ZNF726: variants seen among roughly 807,000 people sequenced by gnomAD.
The protein encoded by ZNF726 is zinc finger protein 726.
ZNF726 carries 15 observed loss-of-function variants against 11.6 expected under a neutral mutation model. That is an observed-to-expected ratio of 1.29 (90% CI 0.86 to 1.99). The LOEUF (loss-of-function observed/expected upper bound fraction) is 1.99, where lower values mean the gene tolerates loss of function less well. Among genes scored for constraint, ZNF726 ranks in the 30% most tolerant of loss-of-function variants. The pLI is 0.00. For synonymous variants in ZNF726, 295 were observed against 243.6 expected (o/e 1.21, Z -1.96); for missense variants, 890 against 725.6 (o/e 1.23, Z -2.60).
At chr19:23,929,577 C>T (rs1007841516) in intron 3 of ZNF726, among the ~76,000 whole-genome samples, 2 of 152,120 alleles carry the variant, frequency 1.3e-5, no homozygotes, top group South Asian at 2.1e-4. Flanking sequence ...CCACGTCCCT[C>T]CCACAACATG....
Position 23,932,754 on chromosome 19 carries a change from C to T in ZNF726, c.638C>T (p.Ser213Phe), listed in dbSNP as rs981851772. 6.2e-7 allele frequency: 1 copy of T among 1,612,952 alleles called. No individual in the cohort carries two copies. Residue 213 changes from serine to phenylalanine, a missense_variant, in exon 4 of 4, where the codon TCC becomes TTC. Ser to Phe is a radical substitution (Grantham distance 155, BLOSUM62 -2). Coordinates refer to ENST00000594466, the MANE Select transcript of ZNF726 (RefSeq NM_001244038.2). ...CKECGKTFNW[S>F]STLTNHKKTH... ...GAATGTGGAAAAACCTTTAATTGGT[C>T]CTCAACCCTTACTAATCATAAGAAA... is the stretch of plus-strand genomic sequence containing the variant.
chr19:23,930,484 T>C (rs1427675522), intron 3 of ZNF726, among the ~76,000 whole-genome samples: 5 of 152,182 alleles, frequency 3.3e-5, no homozygotes, highest in African/African-American at 1.2e-4. Context: ...TGCATGCCAA[T>C]ATTTTAACTT....
intron 3 of ZNF726, among the ~76,000 whole-genome samples, chr19:23,924,656 G>T (rs781178362): frequency 6.6e-6 from 1 of 152,164 alleles, no homozygotes; most frequent in Non-Finnish European, 1.5e-5. Flanking sequence ...GAGAGGCCGG[G>T]ACAGGAGGTT....
intron 4 of ZNF726, chr19:23,943,963 G>A (rs759381300): frequency 9.0e-5 from 14 of 156,314 alleles, no homozygotes; most frequent in Admixed American, 1.3e-4. Context: ...TGTCTGAAAT[G>A]TATGAGAGCA....
At chr19:23,935,906 C>T (rs547640287), downstream of ZNF726, 1 of 152,640 alleles carries the variant, frequency 6.6e-6, no homozygotes, top group South Asian at 2.1e-4. Context: ...GAAAATATGT[C>T]TTTAAAGTGC....
chr19:23,918,058 C>T (rs939644634), intron 1 of ZNF726, among the ~76,000 whole-genome samples: 1 of 151,974 alleles, frequency 6.6e-6, no homozygotes, highest in Non-Finnish European at 1.5e-5. Context: ...TGCAGGAATG[C>T]GGTTATACCT....
downstream of ZNF726, chr19:23,934,497 T>C (rs1465487212): frequency 5.3e-5 from 20 of 378,606 alleles, no homozygotes; most frequent in Admixed American, 7.4e-4. Context: ...GGGAAATCTT[T>C]CTTTTTTTTC....
At chr19:23,929,880 A>G (rs1309156491) in intron 3 of ZNF726, among the ~76,000 whole-genome samples, 1 of 152,134 alleles carries the variant, frequency 6.6e-6, no homozygotes, top group Non-Finnish European at 1.5e-5. Flanking sequence ...ATATTTGTAT[A>G]TTTACATTTA....
At chr19:23,923,591 T>C (rs966720555) in intron 3 of ZNF726, 14 of 186,570 alleles carry the variant, frequency 7.5e-5, no homozygotes, top group South Asian at 6.5e-4. Flanking sequence ...TTTGTATTTT[T>C]AGTAGAAACG....
downstream of ZNF726, among the ~76,000 whole-genome samples, chr19:23,938,518 C>T (rs1010972518): frequency 6.6e-6 from 1 of 151,996 alleles, no homozygotes; most frequent in African/African-American, 2.4e-5. Flanking sequence ...CAGAATCTCC[C>T]CATGCAAATT....
rs764180701 is a variant in ZNF726 at position 23,932,631 on chromosome 19, C to T, written c.515C>T (p.Pro172Leu). ...AAGATAAGACATACTAGAAAGAAAC[C>T]TTTCAAATGTAAAAATTGTGTCAAA... is the stretch of plus-strand genomic sequence containing the variant. ...RYKIRHTRKKPFKCKNCVKSF... is the reference protein window; with the variant it reads ...RYKIRHTRKKLFKCKNCVKSF... Residue 172 changes from proline (P) to leucine (L), a missense_variant, in exon 4 of 4, where the codon CCT becomes CTT. Physicochemically the swap from Pro to Leu is moderately conservative, Grantham distance 98 (BLOSUM62 -3). Coordinates refer to ENST00000594466, the MANE Select transcript of ZNF726 (RefSeq NM_001244038.2). 15 of 1,551,960 alleles carry T rather than the reference C, an allele frequency of 9.7e-6. No individual in the cohort carries two copies. The Middle Eastern group carries it at 5.1e-4, about 53-fold the overall frequency.
chr19:23,940,248 C>T (rs183051434), intron 3 of ZNF726, among the ~76,000 whole-genome samples: 1 of 152,260 alleles, frequency 6.6e-6, no homozygotes, highest in African/African-American at 2.4e-5. Flanking sequence ...AGCCAATTAT[C>T]CCAGCACCAT....
chr19:23,932,575 C>T lies in ZNF726; in HGVS notation c.459C>T (p.Val153=). 1.3e-6 allele frequency: 2 copies of T among 1,566,334 alleles called. No individual in the cohort carries two copies. The highest frequency in any genetic ancestry group is 1.7e-6 in the Non-Finnish European group (2 of 1,158,024). The change falls in exon 4 of 4, where the codon GTC becomes GTT. Residue 153 remains valine (V), a synonymous_variant. Coordinates refer to ENST00000594466, the MANE Select transcript of ZNF726 (RefSeq NM_001244038.2). ...KASQCGKYLK[V]FYKFINLNRY... is the part of the protein sequence containing the mutation. The stretch of plus-strand genomic sequence containing the variant: ...CTCAATGTGGTAAATATTTGAAAGT[C>T]TTTTATAAATTTATAAATTTAAACA...
chr19:23,935,158 C>A (rs1049414862), downstream of ZNF726: 2 of 384,674 alleles, frequency 5.2e-6, no homozygotes, highest in African/African-American at 2.1e-5. Context: ...TCTTGAATCC[C>A]CACATGTTGT....
At chr19:23,937,505 C>A (rs9676476), downstream of ZNF726, among the ~76,000 whole-genome samples, 25,783 of 149,168 alleles carry the variant, frequency 0.17, 2,264 homozygotes, top group Middle Eastern at 0.22. Context: ...ACATCCCGGA[C>A]AGGGTGGCAG....
At chr19:23,935,975 C>T (rs1185708625), downstream of ZNF726, 2 of 152,212 alleles carry the variant, frequency 1.3e-5, no homozygotes, top group Non-Finnish European at 2.9e-5. Context: ...AATACATTTA[C>T]TTGTCTCACA....
intron 1 of ZNF726, chr19:23,919,001 C>A (rs1967773615): frequency 4.9e-6 from 1 of 202,798 alleles, no homozygotes; most frequent in Non-Finnish European, 1.0e-5. Flanking sequence ...GTGGTACCTT[C>A]TAACTCAACA....
chr19:23,932,217 T>C, intron 3 of ZNF726, 126 bp from the exon 4 acceptor site: 1 of 614,082 alleles, frequency 1.6e-6, no homozygotes, highest in Non-Finnish European at 2.4e-6. Flanking sequence ...TATGAAAGAA[T>C]TAGGGTCTGT....
intron 3 of ZNF726, among the ~76,000 whole-genome samples, chr19:23,942,548 T>C (rs1968354956): frequency 6.6e-6 from 1 of 152,212 alleles, no homozygotes; most frequent in African/African-American, 2.4e-5. Context: ...TCTAGTGCTG[T>C]CAGTGGAGTA....
Sources: gnomAD v4.1 joint callset for allele counts (sites outside exome capture counted in the v4.1 genomes callset) on GRCh38, gnomAD v4.1.1 for gene constraint, MANE v1.5 for transcripts, NCBI Gene and HGNC (gene_info 2026-07-23, HGNC 2026-07-21) for gene names.